The following CADM2 variants were observed in gnomAD, a reference collection of about 807,000 sequenced individuals.
CADM2 encodes immunoglobulin superfamily member 4D.
In CADM2, 12 loss-of-function variants were observed where a neutral mutation model predicts 49.8. The ratio of observed to expected loss-of-function variants is 0.24; its 90% CI spans 0.15 to 0.39. CADM2 has a LOEUF of 0.39. Among genes scored for constraint, CADM2 ranks in the 10% least tolerant of loss-of-function variants. CADM2 has a pLI of 1.00. For missense variants in CADM2, 378 were observed against 492.3 expected (o/e 0.77, Z 2.20); for synonymous variants, 214 against 175.4 (o/e 1.22, Z -1.74).
At chr3:85,995,302 G>C (rs972403115) in intron 8 of CADM2, among the ~76,000 whole-genome samples, 2 of 151,888 alleles carry the variant, frequency 1.3e-5, no homozygotes, top group Non-Finnish European at 2.9e-5. Flanking sequence ...AAGTCATATT[G>C]GTATTGATTT....
intron 5 of CADM2, among the ~76,000 whole-genome samples, chr3:85,896,098 C>T (rs969674951): frequency 3.3e-5 from 5 of 152,052 alleles, no homozygotes; most frequent in Non-Finnish European, 7.4e-5. Context: ...GGACATCAGC[C>T]TGGACAAAAT....
chr3:86,036,682 C>A (rs1207745745), intron 8 of CADM2, among the ~76,000 whole-genome samples: 2 of 152,090 alleles, frequency 1.3e-5, no homozygotes, highest in Middle Eastern at 3.2e-3. Flanking sequence ...AGTCAAGTTA[C>A]TCAGCCTCCC....
At chr3:85,021,103 T>A (rs1159069640) in intron 1 of CADM2, among the ~76,000 whole-genome samples, 2 of 107,720 alleles carry the variant, frequency 1.9e-5, no homozygotes, top group Non-Finnish European at 3.5e-5. Context: ...GGTGACAGAG[T>A]GAGACCCTGT....
intron 1 of CADM2, among the ~76,000 whole-genome samples, chr3:85,697,350 T>G (rs2066600847): frequency 6.6e-6 from 1 of 152,000 alleles, no homozygotes; most frequent in Admixed American, 6.6e-5. Context: ...GATAACCATA[T>G]AATGATTGTG....
chr3:85,244,105 A>T (rs908858495), intron 1 of CADM2, among the ~76,000 whole-genome samples: 3 of 151,708 alleles, frequency 2.0e-5, no homozygotes, highest in Non-Finnish European at 4.4e-5. Context: ...ATAAGAAAAA[A>T]CTCGCCTACC....
intron 8 of CADM2, among the ~76,000 whole-genome samples, chr3:86,017,951 T>C (rs1477068482): frequency 2.8e-5 from 4 of 143,706 alleles, no homozygotes; most frequent in Non-Finnish European, 6.1e-5. Context: ...TATGTATACA[T>C]GTGCCATGCT....
chr3:85,689,070 A>C (rs2066303346), intron 1 of CADM2, among the ~76,000 whole-genome samples: 1 of 152,248 alleles, frequency 6.6e-6, no homozygotes, highest in Non-Finnish European at 1.5e-5. Context: ...TACAGAATGA[A>C]ATACTACTGA....
At chr3:85,218,533 C>T (rs967835193) in intron 1 of CADM2, among the ~76,000 whole-genome samples, 3 of 152,142 alleles carry the variant, frequency 2.0e-5, no homozygotes, top group African/African-American at 7.2e-5. Flanking sequence ...TGTACAGGCT[C>T]ACTCCTGTAA....
chr3:85,020,827 C>T (rs959899386), intron 1 of CADM2, among the ~76,000 whole-genome samples: 10 of 150,722 alleles, frequency 6.6e-5, no homozygotes, highest in East Asian at 1.9e-4. Flanking sequence ...ATTGGCATTG[C>T]GGCACAATAA....
chr3:85,893,366 A>C (rs1027342566), intron 5 of CADM2, among the ~76,000 whole-genome samples: 36 of 152,328 alleles, frequency 2.4e-4, no homozygotes, highest in African/African-American at 8.4e-4. Context: ...TAAGGACTTA[A>C]ATGTTAGACC....
chr3:84,982,737 A>ATATATATAGG (rs1553663805), intron 1 of CADM2, among the ~76,000 whole-genome samples: 2 of 115,374 alleles, frequency 1.7e-5, no homozygotes, highest in African/African-American at 3.5e-5. Flanking sequence ...ATATATATAC[A>ATATATATAGG]TTTTTTGTTT....
chr3:85,350,972 C>G (rs949942314), intron 1 of CADM2, among the ~76,000 whole-genome samples: 1 of 151,934 alleles, frequency 6.6e-6, no homozygotes, highest in Non-Finnish European at 1.5e-5. Context: ...TTTCAAAGAA[C>G]AAGAAAAAAT....
chr3:85,289,884 T>A lies in CADM2; in HGVS notation c.61+330216T>A, dbSNP rs546464546. Among the ~76,000 whole-genome samples, 17 of 152,340 alleles carry A rather than the reference T, an allele frequency of 1.1e-4. No individual in the cohort carries two copies. The South Asian group carries it at 3.3e-3, about 30-fold the overall frequency. ...GCCTCTTAAACATCAGGATATTAGA[T>A]ATGTTAAATAAATTAACTAAGGTTA... On this transcript the variant is annotated intron_variant, in intron 1 of 9. Coordinates refer to ENST00000383699, the MANE Select transcript of CADM2 (RefSeq NM_001167675.2).
At chr3:86,027,477 C>A (rs527950821) in intron 8 of CADM2, among the ~76,000 whole-genome samples, 8 of 152,202 alleles carry the variant, frequency 5.3e-5, no homozygotes, top group African/African-American at 1.7e-4. Flanking sequence ...CTTTTTAATG[C>A]ACAGATGCTC....
intron 1 of CADM2, among the ~76,000 whole-genome samples, chr3:85,416,007 A>T (rs912693268): frequency 6.6e-6 from 1 of 152,174 alleles, no homozygotes; most frequent in African/African-American, 2.4e-5. Context: ...GAATTAAAAT[A>T]GAACTCCCCA....
At chr3:85,210,701 C>T (rs944845563) in intron 1 of CADM2, among the ~76,000 whole-genome samples, 3 of 151,968 alleles carry the variant, frequency 2.0e-5, no homozygotes, top group African/African-American at 4.8e-5. Flanking sequence ...CCACCAAGCC[C>T]GGCTAATTAT....
intron 1 of CADM2, among the ~76,000 whole-genome samples, chr3:85,345,784 A>G (rs1357580910): frequency 1.3e-5 from 2 of 152,202 alleles, no homozygotes; most frequent in African/African-American, 4.8e-5. Flanking sequence ...GAGATTAAGT[A>G]TAAATGTCAA....
chr3:85,283,562 T>C (rs1388511513), intron 1 of CADM2, among the ~76,000 whole-genome samples: 1 of 152,102 alleles, frequency 6.6e-6, no homozygotes, highest in African/African-American at 2.4e-5. Context: ...TTTGATACTT[T>C]GTATTTTATA....
chr3:85,142,945 A>G (rs2107631291), intron 1 of CADM2, among the ~76,000 whole-genome samples: 1 of 152,332 alleles, frequency 6.6e-6, no homozygotes, highest in South Asian at 2.1e-4. Flanking sequence ...TTATTTTTCC[A>G]ATTTGCCTTA....
Sources: allele counts gnomAD v4.1 joint callset (sites outside exome capture counted in the v4.1 genomes callset), GRCh38; gene constraint gnomAD v4.1.1; transcripts MANE v1.5; gene names NCBI Gene and HGNC (gene_info 2026-07-23, HGNC 2026-07-21).